The following PHKA1 variants were observed in gnomAD, a reference collection of about 807,000 sequenced individuals.
PHKA1 encodes the protein phosphorylase b kinase regulatory subunit alpha, skeletal muscle isoform.
A neutral mutation model predicts 110.2 loss-of-function variants in PHKA1; 60 were observed. The observed-to-expected ratio is 0.54, with a 90% CI of 0.44 to 0.68. The LOEUF (loss-of-function observed/expected upper bound fraction) is 0.68. PHKA1 is among the 30% of genes least tolerant of loss of function. The pLI is 0.00. For synonymous variants in PHKA1, 316 were observed against 333.6 expected, an observed-to-expected ratio of 0.95 and a Z score of 0.58; for missense variants, 801 against 942.5, an observed-to-expected ratio of 0.85 and a Z score of 1.97.
At chrX:72,612,863 A>G (rs1396594861) in intron 21 of PHKA1, among the ~76,000 whole-genome samples, 1 of 111,720 alleles carries the variant, frequency 9.0e-6, no homozygotes, top group East Asian at 2.8e-4. Flanking sequence ...GCTAGGCTAT[A>G]CAAAGTAATA....
At chrX:72,663,141 T>C (rs1460820139) in intron 8 of PHKA1, among the ~76,000 whole-genome samples, 2 of 111,119 alleles carry the variant, frequency 1.8e-5, no homozygotes, top group African/African-American at 6.5e-5. Context: ...TAAAGATAGA[T>C]AATAAAATCA....
intron 29 of PHKA1, among the ~76,000 whole-genome samples, chrX:72,585,568 G>A (rs1320667529): frequency 1.8e-5 from 2 of 111,995 alleles, no homozygotes; most frequent in Non-Finnish European, 3.8e-5. Context: ...ATTAGGACTG[G>A]TTGGACAGTG....
At chrX:72,683,389 G>C (rs1186876260) in intron 5 of PHKA1, among the ~76,000 whole-genome samples, 2 of 112,021 alleles carry the variant, frequency 1.8e-5, no homozygotes, top group African/African-American at 6.5e-5. Context: ...AGTGAGCCTC[G>C]ATCATGCCAC....
chrX:72,702,872 T>C (rs782365351), intron 3 of PHKA1, among the ~76,000 whole-genome samples: 7 of 111,813 alleles, frequency 6.3e-5, no homozygotes, highest in Non-Finnish European at 1.3e-4. Context: ...CAGAGATAGA[T>C]GCATATTCTG....
chrX:72,671,621 G>A (rs1396160131), intron 6 of PHKA1, among the ~76,000 whole-genome samples: 3 of 111,128 alleles, frequency 2.7e-5, no homozygotes, highest in Non-Finnish European at 5.7e-5. Flanking sequence ...AAGAGCCCGC[G>A]TCGCCAAGTC....
At chrX:72,628,551 CATATAT>C (rs72101398) in intron 16 of PHKA1, among the ~76,000 whole-genome samples, 8 of 97,883 alleles carry the variant, frequency 8.2e-5, no homozygotes, top group Non-Finnish European at 1.2e-4. Context: ...AAAATATTCC[CATATAT>C]ATATATATAT....
intron 23 of PHKA1, among the ~76,000 whole-genome samples, chrX:72,607,925 G>C (rs1556254362): frequency 9.0e-6 from 1 of 111,022 alleles, no homozygotes; most frequent in African/African-American, 3.3e-5. Flanking sequence ...TGTAATCCGG[G>C]ACCTCAAAAA....
chrX:72,636,091 C>T (rs908640876), intron 15 of PHKA1, among the ~76,000 whole-genome samples, 186 bp downstream of exon 15: 18 of 111,775 alleles, frequency 1.6e-4, no homozygotes, highest in Non-Finnish European at 1.9e-4. Flanking sequence ...GTTACAATCA[C>T]TTAGTGAAAC....
chrX:72,652,573 G>C lies in PHKA1; in HGVS notation c.1216C>G (p.Leu406Val). 1 of 1,185,427 alleles carries C rather than the reference G, an allele frequency of 8.4e-7. No homozygotes were observed. The highest frequency in any genetic ancestry group is 1.1e-6 in the Non-Finnish European group (1 of 871,700). Reference protein sequence around the residue: ...GKLPHMWGQSLYILGSLMAEG... With the variant: ...GKLPHMWGQSVYILGSLMAEG... ...GCCATCAAGCTTCCTAAAATGTATA[G>C]AGACTGACCCCACATGTGAGGCAAT... Residue 406 changes from leucine (L) to valine (V), a missense_variant, in exon 12 of 32, where the codon CTA (leucine) becomes GTA (valine). Coordinates refer to ENST00000373542, the MANE Select transcript of PHKA1 (RefSeq NM_002637.4).
chrX:72,678,252 G>T (rs2036448297), intron 5 of PHKA1, among the ~76,000 whole-genome samples: 1 of 111,468 alleles, frequency 9.0e-6, no homozygotes. Context: ...TGTCACTGAG[G>T]TGTCATTGCT....
intron 18 of PHKA1, among the ~76,000 whole-genome samples, chrX:72,621,113 C>T (rs1418327889): frequency 3.6e-5 from 4 of 111,397 alleles, no homozygotes; most frequent in Non-Finnish European, 7.5e-5. Context: ...CTAGGATCCA[C>T]CTCCTCTTCA....
chrX:72,675,286 G>A (rs2053765790), intron 6 of PHKA1, among the ~76,000 whole-genome samples: 2 of 110,016 alleles, frequency 1.8e-5, no homozygotes, highest in Admixed American at 9.7e-5. Flanking sequence ...GACTCCCTTT[G>A]TCCTCTCTGT....
chrX:72,670,658 C>T (rs368073002), intron 6 of PHKA1, among the ~76,000 whole-genome samples: 29 of 111,827 alleles, frequency 2.6e-4, no homozygotes, highest in African/African-American at 8.4e-4. Context: ...ACCAATATCC[C>T]TGATGAACAT....
chrX:72,627,495 T>G (rs2053093834), intron 16 of PHKA1, among the ~76,000 whole-genome samples: 1 of 112,415 alleles, frequency 8.9e-6, no homozygotes, highest in Non-Finnish European at 1.9e-5. Flanking sequence ...AACAATTACC[T>G]GATTTTATGT....
At chrX:72,654,797 ATT>A (rs141785619) in intron 10 of PHKA1, among the ~76,000 whole-genome samples, 8 of 93,728 alleles carry the variant, frequency 8.5e-5, no homozygotes, top group Admixed American at 3.4e-4. Flanking sequence ...TAGCATGGTG[ATT>A]TTTTTTTTTT....
chrX:72,627,645 T>C (rs139783796), intron 16 of PHKA1, among the ~76,000 whole-genome samples: 3,161 of 111,229 alleles, frequency 0.028, 119 homozygotes, highest in African/African-American at 0.097. Context: ...TACCTACATC[T>C]TGATGCACTT....
At chrX:72,606,230 A>G (rs2052725918) in intron 23 of PHKA1, among the ~76,000 whole-genome samples, 1 of 111,416 alleles carries the variant, frequency 9.0e-6, no homozygotes, top group Admixed American at 9.6e-5. Context: ...TCTTTAACCA[A>G]CATCTCTTCA....
chrX:72,661,671 T>C (rs1440294805), intron 8 of PHKA1, among the ~76,000 whole-genome samples: 1 of 83,757 alleles, frequency 1.2e-5, no homozygotes, highest in African/African-American at 4.8e-5. Flanking sequence ...CTGAAGTGAA[T>C]ACCAATTAAA....
chrX:72,653,455 A>G lies in PHKA1; in HGVS notation c.1117T>C (p.Tyr373His), dbSNP rs782689820. 8.3e-7 allele frequency: 1 copy of G among 1,202,911 alleles called. No individual in the cohort carries two copies. Among genetic ancestry groups the G allele is most frequent in the East Asian group, 3.0e-5 (1 of 33,796 alleles). Residue 373 changes from tyrosine (Y) to histidine (H), a missense_variant, in exon 11 of 32, where the codon TAC (tyrosine) becomes CAC (histidine). By Grantham distance (83) the Tyr-to-His change is moderately conservative. Transcript: ENST00000373542. ...CTCACCCTGTCAGGAGGAACACTGT[A>G]CAGCTCTGGCAGAAGTGGGACTCCA... is the stretch of plus-strand genomic sequence containing the variant. ...KNGVPLLPEL[Y>H]SVPPDRVDEE...
Sources: allele counts gnomAD v4.1 joint callset (sites outside exome capture counted in the v4.1 genomes callset), GRCh38; gene constraint gnomAD v4.1.1; transcripts MANE v1.5; gene names NCBI Gene and HGNC (gene_info 2026-07-23, HGNC 2026-07-21).